Variants in TFDP2 observed in about 807,000 individuals in gnomAD.
TFDP2 encodes transcription factor Dp-2 (E2F dimerization partner 2).
TFDP2 carries 17 observed loss-of-function variants against 59.3 expected under a neutral mutation model. The ratio of observed to expected loss-of-function variants is 0.29; its 90% confidence interval spans 0.20 to 0.43. TFDP2 has a LOEUF of 0.43. Among genes scored for constraint, TFDP2 ranks in the 20% least tolerant of loss-of-function variants. The pLI, the probability that TFDP2 is intolerant of heterozygous loss-of-function variation, is 1.00. For missense variants in TFDP2, 391 were observed against 528.8 expected (o/e 0.74, Z 2.56); for synonymous variants, 180 against 194.7 (o/e 0.92, Z 0.63).
At chr3:141,992,934 C>T (rs1942924989) in intron 6 of TFDP2, among the ~76,000 whole-genome samples, 1 of 152,132 alleles carries the variant, frequency 6.6e-6, no homozygotes. Context: ...GATGCACAGC[C>T]AGAATGGAGA....
chr3:141,964,745 TGCCCTC>T (rs2107916429), intron 9 of TFDP2, among the ~76,000 whole-genome samples: 1 of 152,294 alleles, frequency 6.6e-6, no homozygotes, highest in East Asian at 1.9e-4. Context: ...CTGCCATCTC[TGCCCTC>T]AAGCACAGCC....
chr3:142,038,964 G>A (rs954730666), intron 3 of TFDP2, among the ~76,000 whole-genome samples: 3 of 151,980 alleles, frequency 2.0e-5, no homozygotes, highest in Admixed American at 2.0e-4. Context: ...ATAAATCAAC[G>A]GCACAGACAT....
At chr3:142,113,253 T>TA (rs142413325) in intron 1 of TFDP2, among the ~76,000 whole-genome samples, 8 of 152,128 alleles carry the variant, frequency 5.3e-5, no homozygotes, top group East Asian at 1.9e-4. Context: ...GACATTTATT[T>TA]TTTATTTATT....
intron 3 of TFDP2, among the ~76,000 whole-genome samples, chr3:142,029,450 A>G (rs982221061): frequency 9.0e-6 from 1 of 111,666 alleles, no homozygotes; most frequent in African/African-American, 3.4e-5. Flanking sequence ...AGGGAACTCA[A>G]TTATGTTGTC....
rs4683417 is a variant in TFDP2 at position 142,026,948 on chromosome 3, G to C, written c.83-21404C>G. On this transcript the variant is annotated intron_variant, in intron 3 of 12. Transcript: ENST00000489671. Reference sequence around the variant, plus strand: ...AAAATATTACTCCCATATTTCTTATGCAAAGGTCTTAGGAATAAGCCTCAG... The same window carrying C: ...AAAATATTACTCCCATATTTCTTATCCAAAGGTCTTAGGAATAAGCCTCAG... Among the ~76,000 whole-genome samples, 56 of 152,096 alleles carry C rather than the reference G, an allele frequency of 3.7e-4. 1 individual carries two copies. Among genetic ancestry groups the C allele is most frequent in the Admixed American group, 3.6e-3 (55 of 15,274 alleles).
At chr3:141,985,546 C>T (rs1048256681) in intron 6 of TFDP2, among the ~76,000 whole-genome samples, 2 of 145,660 alleles carry the variant, frequency 1.4e-5, no homozygotes, top group Non-Finnish European at 3.0e-5. Flanking sequence ...AAAAAAAACA[C>T]CTATTTTTTC....
intron 7 of TFDP2, among the ~76,000 whole-genome samples, chr3:141,978,230 AGCTACGCG>A (rs1249133758): frequency 6.6e-6 from 1 of 151,748 alleles, no homozygotes; most frequent in Non-Finnish European, 1.5e-5. Context: ...CTGTAATCCC[AGCTACGCG>A]GGAGGCTGAG....
rs181411339 is a variant in TFDP2, at chr3:142,084,640, C to T, written c.82+8421G>A. Among the ~76,000 whole-genome samples, 9 of 151,654 alleles carry T rather than the reference C, an allele frequency of 5.9e-5. No homozygotes were observed. The East Asian group carries it at 1.7e-3, about 29-fold the overall frequency. On this transcript the variant is annotated intron_variant, in intron 3 of 12. Transcript: ENST00000489671. ...ATGTACACAGTGGAGTACTATTCGG[C>T]CATTAAAAAAAATGAGATCCTGTCA...
At chr3:142,029,447 T>C (rs560716415) in intron 3 of TFDP2, among the ~76,000 whole-genome samples, 57 of 120,442 alleles carry the variant, frequency 4.7e-4, no homozygotes, top group African/African-American at 1.8e-3. Flanking sequence ...AAGAGGGAAC[T>C]CAATTATGTT....
intron 1 of TFDP2, among the ~76,000 whole-genome samples, chr3:142,123,113 C>T (rs535435101): frequency 8.5e-5 from 13 of 152,162 alleles, no homozygotes; most frequent in African/African-American, 3.1e-4. Context: ...AGGCGCGCAC[C>T]ACTACAGCCC....
At chr3:142,103,460 C>T (rs1210757941) in intron 1 of TFDP2, among the ~76,000 whole-genome samples, 2 of 152,166 alleles carry the variant, frequency 1.3e-5, no homozygotes, top group Non-Finnish European at 2.9e-5. Context: ...CTTTTCCTCA[C>T]ATCTTTTTGG....
chr3:141,992,142 C>G (rs2108173156), intron 6 of TFDP2, among the ~76,000 whole-genome samples: 1 of 150,054 alleles, frequency 6.7e-6, no homozygotes, highest in East Asian at 2.0e-4. Flanking sequence ...AATGAAACAC[C>G]ACTGTGCTAA....
intron 3 of TFDP2, among the ~76,000 whole-genome samples, chr3:142,077,285 G>A (rs886325411): frequency 2.6e-5 from 4 of 152,158 alleles, no homozygotes; most frequent in South Asian, 2.1e-4. Context: ...GCAAGTCCTA[G>A]TGCTGTGCTG....
intron 2 of TFDP2, among the ~76,000 whole-genome samples, chr3:142,099,655 G>A (rs1266188363): frequency 6.6e-6 from 1 of 150,966 alleles, no homozygotes; most frequent in African/African-American, 2.4e-5. Flanking sequence ...AGCTGAGATT[G>A]TGCCATTGTA....
intron 1 of TFDP2, among the ~76,000 whole-genome samples, chr3:142,124,354 TATC>T (rs2062158140): frequency 6.6e-6 from 1 of 152,128 alleles, no homozygotes; most frequent in South Asian, 2.1e-4. Context: ...ATAATTAAAA[TATC>T]ATACACTGAT....
chr3:141,992,916 G>C (rs1431281447), intron 6 of TFDP2, among the ~76,000 whole-genome samples: 2 of 152,204 alleles, frequency 1.3e-5, no homozygotes, highest in Non-Finnish European at 2.9e-5. Context: ...CAGACTACAA[G>C]TGATTCTGAT....
At chr3:141,990,533 CTG>C (rs766142173) in intron 6 of TFDP2, among the ~76,000 whole-genome samples, 1 of 152,170 alleles carries the variant, frequency 6.6e-6, no homozygotes, top group Non-Finnish European at 1.5e-5. Context: ...CGTGCCCAGT[CTG>C]TGGTTTTATT....
chr3:142,107,548 T>C (rs1037141454), intron 1 of TFDP2, among the ~76,000 whole-genome samples: 5 of 152,126 alleles, frequency 3.3e-5, no homozygotes, highest in Admixed American at 2.6e-4. Flanking sequence ...GATATTTTCA[T>C]AGAAAGGGAT....
intron 3 of TFDP2, among the ~76,000 whole-genome samples, chr3:142,053,061 G>A (rs1947725681): frequency 6.6e-6 from 1 of 152,188 alleles, no homozygotes; most frequent in African/African-American, 2.4e-5. Flanking sequence ...ACTTGCCTCA[G>A]CCTCCCAAAG....
Sources: gnomAD v4.1 joint callset for allele counts (sites outside exome capture counted in the v4.1 genomes callset) on GRCh38, gnomAD v4.1.1 for gene constraint, MANE v1.5 for transcripts, NCBI Gene and HGNC (gene_info 2026-07-23, HGNC 2026-07-21) for gene names.